Variants in ERBB4 observed in about 807,000 individuals in gnomAD.
The protein encoded by ERBB4 is erb-b2 receptor tyrosine kinase 4, also known as receptor tyrosine-protein kinase erbB-4.
In ERBB4, 42 loss-of-function variants were observed where a neutral mutation model predicts 158.0. The observed-to-expected ratio is 0.27, with a 90% CI of 0.21 to 0.34. The LOEUF (loss-of-function observed/expected upper bound fraction) is 0.34. ERBB4 is among the 10% of genes least tolerant of loss of function. The pLI is 1.00. For synonymous variants in ERBB4, 583 were observed against 558.7 expected, an observed-to-expected ratio of 1.04 and a Z score of -0.61; for missense variants, 1,333 against 1,624.1, an observed-to-expected ratio of 0.82 and a Z score of 3.08.
intron 18 of ERBB4, among the ~76,000 whole-genome samples, chr2:211,620,408 A>G (rs2069554512): frequency 6.6e-6 from 1 of 152,218 alleles, no homozygotes; most frequent in Non-Finnish European, 1.5e-5. Flanking sequence ...AAAGTTTTTC[A>G]CTTTGAACTT....
At chr2:211,962,063 T>C (rs1250348826) in intron 2 of ERBB4, among the ~76,000 whole-genome samples, 1 of 152,128 alleles carries the variant, frequency 6.6e-6, no homozygotes, top group African/African-American at 2.4e-5. Flanking sequence ...AGCAAAGCTC[T>C]ATTTCTTGAT....
chr2:212,131,651 C>A lies in ERBB4; in HGVS notation c.83-6748G>T, dbSNP rs567677828. 2.2e-3 allele frequency among the ~76,000 whole-genome samples: 338 copies of A among 152,278 alleles called. 2 individuals are homozygous for A. The highest frequency in any genetic ancestry group is 3.6e-3 in the African/African-American group (150 of 41,568). ...CACTAAGGATAGTAGCAGATTCTAT[C>A]AATATTACTACTCCACAATGGAGGT... is the stretch of plus-strand genomic sequence containing the variant. On this transcript the variant is annotated intron_variant, in intron 1 of 27. Transcript: ENST00000342788.
intron 16 of ERBB4, among the ~76,000 whole-genome samples, chr2:211,638,088 A>G (rs1031455120): frequency 1.3e-5 from 2 of 152,086 alleles, no homozygotes; most frequent in Non-Finnish European, 2.9e-5. Flanking sequence ...CCTTGGGTGT[A>G]AAGTTTATAA....
rs921065053 is a variant in ERBB4, at chr2:211,376,836, G to A, written c.*6779C>T. 2 of 232,898 alleles carry A rather than the reference G, an allele frequency of 8.6e-6. No individual in the cohort carries two copies. Among genetic ancestry groups the A allele is most frequent in the African/African-American group, 4.4e-5 (2 of 45,262 alleles). The allele number at this position is 232,898 out of a possible 1,614,324, so 14.4% of individuals were successfully genotyped here. On this transcript the variant is annotated 3_prime_UTR_variant, in exon 28 of 28. Coordinates refer to ENST00000342788, the MANE Select transcript of ERBB4 (RefSeq NM_005235.3). ...CTAGTCATACACCATGGGAAAATGC[G>A]GTTTCAGCATGCAGCCACGCAATCC...
chr2:211,887,452 TGA>T (rs1201292144), intron 3 of ERBB4, among the ~76,000 whole-genome samples: 1 of 152,226 alleles, frequency 6.6e-6, no homozygotes, highest in Non-Finnish European at 1.5e-5. Context: ...AATGCCATCC[TGA>T]TCATTTCATT....
intron 1 of ERBB4, among the ~76,000 whole-genome samples, chr2:212,450,587 A>G (rs954492444): frequency 6.6e-6 from 1 of 152,102 alleles, no homozygotes; most frequent in Non-Finnish European, 1.5e-5. Context: ...CCTTGATTTT[A>G]GTCTAATGAA....
At chr2:211,754,553 A>G (rs1285175383) in intron 4 of ERBB4, among the ~76,000 whole-genome samples, 1 of 151,286 alleles carries the variant, frequency 6.6e-6, no homozygotes, top group East Asian at 2.0e-4. Flanking sequence ...GGTGCCTGCC[A>G]TACGCCCAGC....
At chr2:211,850,873 C>A (rs576543729) in intron 3 of ERBB4, among the ~76,000 whole-genome samples, 9 of 151,746 alleles carry the variant, frequency 5.9e-5, no homozygotes, top group Non-Finnish European at 1.3e-4. Context: ...GTAATAATAT[C>A]AATTATATTA....
chr2:212,183,381 T>C (rs73987279), intron 1 of ERBB4, among the ~76,000 whole-genome samples: 3,381 of 152,118 alleles, frequency 0.022, 119 homozygotes, highest in African/African-American at 0.077. Flanking sequence ...ATTTGCTATA[T>C]AAATTTAACT....
intron 19 of ERBB4, among the ~76,000 whole-genome samples, chr2:211,617,486 G>T (rs2069434354): frequency 6.6e-6 from 1 of 152,070 alleles, no homozygotes; most frequent in African/African-American, 2.4e-5. Context: ...ACTGGAGAAA[G>T]AAACAATATT....
At position 211,523,187 on chromosome 2, in the gene ERBB4, A is replaced by C. The variant is rs1035556160; in HGVS notation, c.2487+38716T>G. Among the ~76,000 whole-genome samples the C allele has an allele frequency of 2.9e-5, 4 of 138,032 alleles. No individual in the cohort carries two copies. In the East Asian group the frequency reaches 8.4e-4, roughly 29 times the overall value. 90.6% of individuals were successfully genotyped at this position (138,032 alleles called of 152,430 possible). A position where few individuals can be genotyped will look rare whatever the true frequency, so the allele number is the denominator to read the frequency against. On this transcript the variant is annotated intron_variant, in intron 20 of 27. Coordinates refer to ENST00000342788, the MANE Select transcript of ERBB4 (RefSeq NM_005235.3). Reference sequence around the variant, plus strand: ...TAAAACAAAAAAGCACCTTCACAAGAACCAAAAATCAGGTGAGCGCTCACA... The same window carrying C: ...TAAAACAAAAAAGCACCTTCACAAGCACCAAAAATCAGGTGAGCGCTCACA...
chr2:212,051,496 T>A (rs2077398485), intron 2 of ERBB4, among the ~76,000 whole-genome samples: 1 of 152,124 alleles, frequency 6.6e-6, no homozygotes, highest in Non-Finnish European at 1.5e-5. Context: ...ATTTTCATAA[T>A]ATAATAAAAA....
chr2:212,088,885 T>C (rs1323913869), intron 2 of ERBB4, among the ~76,000 whole-genome samples: 1 of 152,104 alleles, frequency 6.6e-6, no homozygotes, highest in Non-Finnish European at 1.5e-5. Flanking sequence ...TATTAGACAC[T>C]CAGTTTACAG....
intron 1 of ERBB4, among the ~76,000 whole-genome samples, chr2:212,370,656 G>A (rs2090052877): frequency 6.6e-6 from 1 of 151,952 alleles, no homozygotes; most frequent in Non-Finnish European, 1.5e-5. Context: ...ATTACCTTAG[G>A]AATTTTATCT....
chr2:211,745,169 A>T (rs1034313226), intron 5 of ERBB4, among the ~76,000 whole-genome samples: 1 of 152,202 alleles, frequency 6.6e-6, no homozygotes, highest in Non-Finnish European at 1.5e-5. Context: ...AATCTAGAGA[A>T]AGCCTAAAAT....
rs528106677 is a variant in ERBB4, at chr2:212,134,990, A to G, written c.83-10087T>C. ...CGTGAGCCACCGCGCCTGGCCTACT[A>G]AACACTTTCTAAACAATCCTTGAGC... On this transcript the variant is annotated intron_variant, in intron 1 of 27. Coordinates refer to ENST00000342788, the MANE Select transcript of ERBB4 (RefSeq NM_005235.3). Among the ~76,000 whole-genome samples the G allele has an allele frequency of 3.9e-5, 6 of 152,170 alleles. No individual in the cohort carries two copies. The South Asian group carries it at 1.2e-3, about 32-fold the overall frequency.
At chr2:212,051,665 T>G (rs1170120920) in intron 2 of ERBB4, among the ~76,000 whole-genome samples, 1 of 152,168 alleles carries the variant, frequency 6.6e-6, no homozygotes, top group Non-Finnish European at 1.5e-5. Flanking sequence ...CAAAACAACC[T>G]TATTTTAAAC....
At chr2:211,649,701 T>C (rs1440910068) in intron 16 of ERBB4, among the ~76,000 whole-genome samples, 1 of 151,956 alleles carries the variant, frequency 6.6e-6, no homozygotes, top group Non-Finnish European at 1.5e-5. Flanking sequence ...CTCAAGCATA[T>C]GGAACACTTT....
intron 2 of ERBB4, among the ~76,000 whole-genome samples, chr2:212,104,517 A>C (rs758404529): frequency 1.3e-5 from 2 of 152,282 alleles, no homozygotes; most frequent in South Asian, 2.1e-4. Flanking sequence ...AACGAATGCT[A>C]GTTTAGAACT....
Sources: gnomAD v4.1 joint callset for allele counts (sites outside exome capture counted in the v4.1 genomes callset) on GRCh38, gnomAD v4.1.1 for gene constraint, MANE v1.5 for transcripts, NCBI Gene and HGNC (gene_info 2026-07-23, HGNC 2026-07-21) for gene names.